The following PTPRQ variants were observed in gnomAD, a reference collection of about 807,000 sequenced individuals.
The protein encoded by PTPRQ is protein tyrosine phosphatase receptor type Q.
Under a neutral mutation model 246.0 loss-of-function variants are expected in PTPRQ, and 199 were observed. That is an observed-to-expected ratio of 0.81 (90% CI 0.72 to 0.91). The LOEUF (loss-of-function observed/expected upper bound fraction) is 0.91. Ranked by LOEUF, PTPRQ falls within the 40% of genes least tolerant of loss-of-function variation. The pLI, the probability that PTPRQ is intolerant of heterozygous loss-of-function variation, is 0.00. For synonymous variants in PTPRQ, 869 were observed against 853.2 expected, an observed-to-expected ratio of 1.02 and a Z score of -0.32; for missense variants, 2,624 against 2,528.4, an observed-to-expected ratio of 1.04 and a Z score of -0.81.
At chr12:80,616,401 T>C in intron 30 of PTPRQ, 135 bp downstream of exon 30, 1 of 723,534 alleles carries the variant, frequency 1.4e-6, no homozygotes, top group South Asian at 3.8e-5. Flanking sequence ...TAAGTAAAAA[T>C]GTGTGGTTAT....
intron 8 of PTPRQ, among the ~76,000 whole-genome samples, chr12:80,473,443 A>G (rs1893715906): frequency 6.6e-6 from 1 of 152,332 alleles, no homozygotes; most frequent in Non-Finnish European, 1.5e-5. Flanking sequence ...ACACTATCAA[A>G]TAAAGCAGAG....
chr12:80,486,458 A>G (rs1254354602), intron 9 of PTPRQ, among the ~76,000 whole-genome samples: 1 of 152,112 alleles, frequency 6.6e-6, no homozygotes, highest in African/African-American at 2.4e-5. Flanking sequence ...GACAGATATG[A>G]CAGAAGCTTT....
intron 8 of PTPRQ, among the ~76,000 whole-genome samples, chr12:80,476,872 C>G (rs1463608135): frequency 6.6e-6 from 1 of 152,108 alleles, no homozygotes; most frequent in Non-Finnish European, 1.5e-5. Flanking sequence ...TTCTTGAACT[C>G]TTTGTTCCTT....
At chr12:80,596,943 A>G (rs1897989167) in intron 26 of PTPRQ, among the ~76,000 whole-genome samples, 1 of 152,020 alleles carries the variant, frequency 6.6e-6, no homozygotes, top group Non-Finnish European at 1.5e-5. Context: ...TATTCTAAGT[A>G]CTTAAAACAT....
chr12:80,586,199 GA>G (rs1302234711), intron 25 of PTPRQ, among the ~76,000 whole-genome samples: 1 of 151,712 alleles, frequency 6.6e-6, no homozygotes, highest in Non-Finnish European at 1.5e-5. Context: ...AAACACACAA[GA>G]AAAAAACAAA....
At position 80,496,401 on chromosome 12, in the gene PTPRQ, A is replaced by G. The variant is rs756254141; in HGVS notation, c.2142A>G (p.Thr714=). ...KNIDTLYMKN[T]STTDIILRNL... is the part of the protein sequence containing the mutation. Reference sequence around the variant, plus strand: ...TAGATACTTTATATATGAAGAACACATCAACAACAGACATAATATTAAGGA... The same window carrying G: ...TAGATACTTTATATATGAAGAACACGTCAACAACAGACATAATATTAAGGA... Residue 714 remains threonine, a synonymous_variant, in exon 14 of 45, where the codon ACA becomes ACG. Transcript: ENST00000644991. The G allele has an allele frequency of 3.9e-6, 6 of 1,550,616 alleles. No homozygotes were observed. The African/African-American group carries it at 8.2e-5, about 21-fold the overall frequency.
chr12:80,643,163 C>T (rs1478703437), intron 35 of PTPRQ, among the ~76,000 whole-genome samples: 4 of 151,992 alleles, frequency 2.6e-5, no homozygotes, highest in Admixed American at 1.3e-4. Flanking sequence ...CATGGCCAGG[C>T]GCGGTGGCTC....
At chr12:80,498,486 T>C (rs140396994) in intron 14 of PTPRQ, among the ~76,000 whole-genome samples, 2 of 152,210 alleles carry the variant, frequency 1.3e-5, no homozygotes, top group African/African-American at 4.8e-5. Flanking sequence ...GTTTTATTAG[T>C]TGGTGGGTGT....
At chr12:80,468,038 TA>T (rs1045740666) in intron 6 of PTPRQ, among the ~76,000 whole-genome samples, 21 of 149,586 alleles carry the variant, frequency 1.4e-4, no homozygotes, top group Admixed American at 3.3e-4. Flanking sequence ...AATGATTTCA[TA>T]AGGGTCATAC....
chr12:80,597,387 C>A (rs181857673), intron 26 of PTPRQ, among the ~76,000 whole-genome samples: 1 of 151,906 alleles, frequency 6.6e-6, no homozygotes, highest in South Asian at 2.1e-4. Context: ...TAATGGAACA[C>A]GCTGACCTGT....
intron 35 of PTPRQ, among the ~76,000 whole-genome samples, chr12:80,639,299 T>C (rs1899771246): frequency 6.6e-6 from 1 of 152,224 alleles, no homozygotes. Flanking sequence ...AAGTTTTGTT[T>C]CTTATGCCGA....
intron 32 of PTPRQ, 79 bp downstream of exon 32, chr12:80,620,455 T>A: frequency 6.6e-7 from 1 of 1,524,192 alleles, no homozygotes; most frequent in Non-Finnish European, 8.8e-7. Context: ...GCCTGTCCTT[T>A]CATCTTTCCA....
intron 30 of PTPRQ, among the ~76,000 whole-genome samples, chr12:80,618,149 G>C (rs926332682): frequency 1.3e-5 from 2 of 151,384 alleles, no homozygotes; most frequent in Admixed American, 1.3e-4. Flanking sequence ...GCTCAAAAAA[G>C]AGTGAACTAC....
At chr12:80,655,263 C>T (rs1463687329) in intron 38 of PTPRQ, among the ~76,000 whole-genome samples, 1 of 152,116 alleles carries the variant, frequency 6.6e-6, no homozygotes, top group African/African-American at 2.4e-5. Context: ...ACATTAGTGA[C>T]TCTGGACATT....
chr12:80,635,906 T>A (rs1592743492), intron 35 of PTPRQ, among the ~76,000 whole-genome samples: 1 of 152,202 alleles, frequency 6.6e-6, no homozygotes. Flanking sequence ...AAAATTATTA[T>A]TAATTTTGAA....
intron 26 of PTPRQ, among the ~76,000 whole-genome samples, chr12:80,595,998 A>C (rs1479643518): frequency 6.6e-6 from 1 of 152,132 alleles, no homozygotes; most frequent in Non-Finnish European, 1.5e-5. Flanking sequence ...GTGAAGGAAA[A>C]TAATAAATGT....
At chr12:80,670,887 T>C (rs150527275) in intron 42 of PTPRQ, among the ~76,000 whole-genome samples, 1 of 152,244 alleles carries the variant, frequency 6.6e-6, no homozygotes, top group East Asian at 1.9e-4. Context: ...AAATATACTG[T>C]GTTGATATTT....
At chr12:80,522,753 G>T (rs969623589) in intron 17 of PTPRQ, among the ~76,000 whole-genome samples, 6 of 152,172 alleles carry the variant, frequency 3.9e-5, no homozygotes, top group Non-Finnish European at 8.8e-5. Flanking sequence ...TGTGCTGCTG[G>T]ATTTGGTTTG....
intron 6 of PTPRQ, among the ~76,000 whole-genome samples, chr12:80,461,160 C>G (rs565597578): frequency 5.3e-4 from 80 of 152,232 alleles, no homozygotes; most frequent in African/African-American, 1.8e-3. Context: ...TAGCTTTTAT[C>G]ATTTTATAAT....
Sources: gnomAD v4.1 joint callset for allele counts (sites outside exome capture counted in the v4.1 genomes callset) on GRCh38, gnomAD v4.1.1 for gene constraint, MANE v1.5 for transcripts, NCBI Gene and HGNC (gene_info 2026-07-23, HGNC 2026-07-21) for gene names.